ZNF280B: variants seen among roughly 807,000 people sequenced by gnomAD.
The protein encoded by ZNF280B is zinc finger protein 280B.
Under a neutral mutation model 38.0 loss-of-function variants are expected in ZNF280B, and 16 were observed. That is an observed-to-expected ratio of 0.42 (90% CI 0.28 to 0.64). ZNF280B has a LOEUF of 0.64. Ranked by LOEUF, ZNF280B falls within the 30% of genes least tolerant of loss-of-function variation. The probability of loss-of-function intolerance (pLI) is 0.21; values close to 1 mark genes in which losing one functional copy is unlikely to be tolerated. For missense variants in ZNF280B, 581 were observed against 639.6 expected (o/e 0.91, Z 0.99); for synonymous variants, 253 against 230.6 (o/e 1.10, Z -0.88).
chr22:22,507,116 A>G (rs1433286254), intron 2 of ZNF280B, among the ~76,000 whole-genome samples: 1 of 151,930 alleles, frequency 6.6e-6, no homozygotes, highest in African/African-American at 2.4e-5. Context: ...CAGAGCAAGG[A>G]ACTGAGGCCT....
At chr22:22,489,787 T>C (rs73393430) in intron 3 of ZNF280B, among the ~76,000 whole-genome samples, 1,586 of 151,958 alleles carry the variant, frequency 0.01, 34 homozygotes, top group African/African-American at 0.036. Context: ...GGCTTTGGAG[T>C]TGAAGAGTAA....
chr22:22,502,551 A>G (rs1346639973), intron 2 of ZNF280B, among the ~76,000 whole-genome samples: 2 of 152,028 alleles, frequency 1.3e-5, no homozygotes, highest in Non-Finnish European at 2.9e-5. Flanking sequence ...ATAAATGAAT[A>G]AACGAACTGT....
At chr22:22,504,421 C>CG (rs200087255) in intron 2 of ZNF280B, among the ~76,000 whole-genome samples, 2,958 of 141,820 alleles carry the variant, frequency 0.021, 105 homozygotes, top group African/African-American at 0.075. Context: ...AGCAAGACTC[C>CG]GTCTGAAAAA....
chr22:22,487,579 GT>G lies in ZNF280B; in HGVS notation c.*187del, dbSNP rs2061519221. On this transcript the variant is annotated 3_prime_UTR_variant, in exon 4 of 4. Coordinates refer to ENST00000626650, the MANE Select transcript of ZNF280B (RefSeq NM_080764.4). ...GATACAGTTAACATGAAAACCAGAT[GT>G]TTTAAAATAATACCTCAAAATTCAG... The G allele has an allele frequency of 2.0e-6, 1 of 512,436 alleles. No individual in the cohort carries two copies. The highest frequency in any genetic ancestry group is 3.3e-6 in the Non-Finnish European group (1 of 302,564). 31.7% of individuals were successfully genotyped at this position (512,436 alleles called of 1,614,324 possible). A position where few individuals can be genotyped will look rare whatever the true frequency, so the allele number is the denominator to read the frequency against.
chr22:22,502,453 G>C (rs1455506501), intron 2 of ZNF280B, among the ~76,000 whole-genome samples: 1 of 151,850 alleles, frequency 6.6e-6, no homozygotes, highest in Non-Finnish European at 1.5e-5. Flanking sequence ...ATACCCAAGA[G>C]AATTGAAAAT....
At chr22:22,503,431 TA>T (rs2061866552) in intron 2 of ZNF280B, among the ~76,000 whole-genome samples, 1 of 152,002 alleles carries the variant, frequency 6.6e-6, no homozygotes, top group Non-Finnish European at 1.5e-5. Context: ...CAGGCTGGTA[TA>T]ACCCCCCATC....
At chr22:22,507,017 G>C (rs1198681332) in intron 2 of ZNF280B, among the ~76,000 whole-genome samples, 2 of 151,918 alleles carry the variant, frequency 1.3e-5, no homozygotes, top group African/African-American at 2.4e-5. Flanking sequence ...TAAAGACTCT[G>C]CCCTTCATCT....
At chr22:22,496,465 T>C (rs999134282) in intron 2 of ZNF280B, among the ~76,000 whole-genome samples, 7 of 151,954 alleles carry the variant, frequency 4.6e-5, no homozygotes, top group Admixed American at 1.3e-4. Context: ...AAAAAGTATT[T>C]ATTAAAAAAT....
intron 2 of ZNF280B, among the ~76,000 whole-genome samples, chr22:22,495,054 C>T (rs747127075): frequency 1.3e-5 from 2 of 151,884 alleles, no homozygotes; most frequent in African/African-American, 2.4e-5. Context: ...TAACCACACA[C>T]GAGTTTTTAA....
At chr22:22,489,708 C>T (rs948191859) in intron 3 of ZNF280B, among the ~76,000 whole-genome samples, 1 of 151,626 alleles carries the variant, frequency 6.6e-6, no homozygotes, top group African/African-American at 2.4e-5. Context: ...CAGCTAATCA[C>T]TAGGCAAAAT....
intron 2 of ZNF280B, among the ~76,000 whole-genome samples, chr22:22,507,461 C>T (rs2061961362): frequency 6.6e-6 from 1 of 151,876 alleles, no homozygotes; most frequent in Admixed American, 6.6e-5. Flanking sequence ...CTCCCCTGTC[C>T]TGCTGCATGC....
intron 2 of ZNF280B, among the ~76,000 whole-genome samples, chr22:22,507,288 C>T (rs2061957978): frequency 6.6e-6 from 1 of 151,956 alleles, no homozygotes; most frequent in Non-Finnish European, 1.5e-5. Context: ...CCTTCAAAAA[C>T]TATGAGGTAA....
intron 3 of ZNF280B, among the ~76,000 whole-genome samples, chr22:22,492,813 G>A (rs2061622045): frequency 6.6e-6 from 1 of 151,190 alleles, no homozygotes; most frequent in African/African-American, 2.4e-5. Flanking sequence ...TTGAATCCAG[G>A]AGGCGGAGGT....
rs1169938656 is a variant in ZNF280B, at chr22:22,508,716, T to G, written c.-305A>C. The G allele has an allele frequency of 6.6e-6, 1 of 151,710 alleles. No individual in the cohort carries two copies. Among genetic ancestry groups the G allele is most frequent in the Non-Finnish European group, 1.5e-5 (1 of 67,976 alleles). 9.4% of individuals were successfully genotyped at this position (151,710 alleles called of 1,614,324 possible). On this transcript the variant is annotated 5_prime_UTR_variant, in exon 1 of 4. Transcript: ENST00000626650. The stretch of plus-strand genomic sequence containing the variant: ...GGCCACGCACCAGCCCCGGAGGCGC[T>G]CCCGGGGCACAGCCGGCGGCGACTA...
chr22:22,506,004 G>C (rs2061930685), intron 2 of ZNF280B, among the ~76,000 whole-genome samples: 2 of 151,760 alleles, frequency 1.3e-5, no homozygotes, highest in African/African-American at 4.8e-5. Context: ...TGGAGAAATA[G>C]AGATACTAAG....
rs1174269638 is a variant in ZNF280B, at chr22:22,487,078, T to C, written c.*689A>G. The C allele has an allele frequency of 6.6e-6, 1 of 151,946 alleles. No homozygotes were observed. Among genetic ancestry groups the C allele is most frequent in the Non-Finnish European group, 1.5e-5 (1 of 68,010 alleles). The allele number at this position is 151,946 out of a possible 1,614,324, so 9.4% of individuals were successfully genotyped here. A position where few individuals can be genotyped will look rare whatever the true frequency, so the allele number is the denominator to read the frequency against. ...AAAAAGCTGTAAAGAAAACTAAGTATTTCAAAAATTCTATGAATTCTGTAT... is the reference window on the plus strand; with the variant it reads ...AAAAAGCTGTAAAGAAAACTAAGTACTTCAAAAATTCTATGAATTCTGTAT... On this transcript the variant is annotated 3_prime_UTR_variant, in exon 4 of 4. Transcript: ENST00000626650.
chr22:22,487,938 C>T lies in ZNF280B; in HGVS notation c.1461G>A (p.Lys487=). The stretch of plus-strand genomic sequence containing the variant: ...GTAATCCTTCTAGTTGCTTAGGCTT[C>T]TTAAACATTTGATGACACTGGGTCT... ...EHKTQCHQMF[K]KPKQLEGLPP... The change falls in exon 4 of 4, where the codon AAG becomes AAA. Residue 487 remains lysine, a synonymous_variant. Transcript: ENST00000626650. 1.9e-6 allele frequency: 3 copies of T among 1,613,722 alleles called. No individual in the cohort carries two copies. The highest frequency in any genetic ancestry group is 1.7e-6 in the Non-Finnish European group (2 of 1,179,922).
At chr22:22,496,706 T>C (rs1417011156) in intron 2 of ZNF280B, among the ~76,000 whole-genome samples, 1 of 151,618 alleles carries the variant, frequency 6.6e-6, no homozygotes, top group African/African-American at 2.4e-5. Context: ...ATGGTGGGGA[T>C]AGGTACCATA....
intron 2 of ZNF280B, among the ~76,000 whole-genome samples, chr22:22,494,682 A>G (rs753656906): frequency 2.0e-5 from 3 of 151,890 alleles, no homozygotes; most frequent in Non-Finnish European, 2.9e-5. Flanking sequence ...GTGGATGATA[A>G]CCCACCTTCC....
Sources: allele counts gnomAD v4.1 joint callset (sites outside exome capture counted in the v4.1 genomes callset), GRCh38; gene constraint gnomAD v4.1.1; transcripts MANE v1.5; gene names NCBI Gene and HGNC (gene_info 2026-07-23, HGNC 2026-07-21).